The following ZNF200 variants were observed in gnomAD, a reference collection of about 807,000 sequenced individuals.
ZNF200 encodes zinc finger protein 200.
In ZNF200, 35 loss-of-function variants were observed where a neutral mutation model predicts 33.6. The ratio of observed to expected loss-of-function variants is 1.04; its 90% CI spans 0.80 to 1.38. The LOEUF (loss-of-function observed/expected upper bound fraction) is 1.38. Among genes scored for constraint, ZNF200 ranks in the 40% most tolerant of loss-of-function variants. The pLI, the probability that ZNF200 is intolerant of heterozygous loss-of-function variation, is 0.00. For synonymous variants in ZNF200, 209 were observed against 167.7 expected (o/e 1.25, Z -1.90); for missense variants, 592 against 470.6 (o/e 1.26, Z -2.39).
rs754367159 is a variant in ZNF200, at chr16:3,223,892, T to C, written c.1188A>G (p.Ter396=). 1 of 1,607,298 alleles carries C rather than the reference T, an allele frequency of 6.2e-7. No individual in the cohort carries two copies. The highest frequency in any genetic ancestry group is 1.1e-5 in the South Asian group (1 of 90,292). Residue 396 remains the stop codon, a stop_retained_variant, in exon 5 of 5, where the codon TAA becomes TAG. Coordinates refer to ENST00000414144, the MANE Select transcript of ZNF200 (RefSeq NM_198088.3). ...TCAGACCCAGAAAGGGTTCCCAGTA[T>C]TACTTCTGCTTTCGGGTCTTACAGG... ...HSACKTRKQK[*] is the part of the protein sequence containing the mutation.
intron 4 of ZNF200, among the ~76,000 whole-genome samples, chr16:3,228,746 C>T (rs889676519): frequency 2.6e-5 from 4 of 151,994 alleles, no homozygotes; most frequent in Non-Finnish European, 4.4e-5. Context: ...AGGTATCACC[C>T]GCCTTTGCCT....
At position 3,232,656 on chromosome 16, in the gene ZNF200, C is replaced by G. The variant is rs547453655; in HGVS notation, c.340-109G>C. The G allele has an allele frequency of 2.0e-6, 3 of 1,508,024 alleles. No homozygotes were observed. In the African/African-American group the frequency reaches 4.2e-5, roughly 21 times the overall value. The allele number at this position is 1,508,024 out of a possible 1,614,324, so 93.4% of individuals were successfully genotyped here. ...TCAAGGGAAGGGATAGCAAGAGGGA[C>G]CTATAAATCCCACAGAGGTGCAGCA... On this transcript the variant is annotated intron_variant, in intron 3 of 4. Transcript: ENST00000414144.
chr16:3,223,192 C>T lies in ZNF200; in HGVS notation c.*700G>A, dbSNP rs1958375343. 1 of 152,200 alleles carries T rather than the reference C, an allele frequency of 6.6e-6. No homozygotes were observed. Among genetic ancestry groups the T allele is most frequent in the Admixed American group, 6.5e-5 (1 of 15,278 alleles). 9.4% of individuals were successfully genotyped at this position (152,200 alleles called of 1,614,324 possible). ...ATGAGACGGCTGCTGGAGAGATCAA[C>T]AGCAGAACAAAATACAATAAGAACA... On this transcript the variant is annotated 3_prime_UTR_variant, in exon 5 of 5. Coordinates refer to ENST00000414144, the MANE Select transcript of ZNF200 (RefSeq NM_198088.3).
chr16:3,230,273 AG>A (rs751556571), intron 4 of ZNF200, among the ~76,000 whole-genome samples: 3 of 152,218 alleles, frequency 2.0e-5, no homozygotes, highest in Non-Finnish European at 4.4e-5. Flanking sequence ...ACCCAGCCTC[AG>A]GTATTCTTTT....
At position 3,224,416 on chromosome 16, in the gene ZNF200, TG is replaced by T; in HGVS notation, c.663del (p.Ile222LeufsTer7). ...TCCTCTAGAGGAGTATCATTCTCAA[TG>T]GTAACTAACAGATTTCTCATTTTCC... ...QKRKMRNLLV[T>X]IENDTPLEEL... On this transcript the variant is annotated frameshift_variant, in exon 5 of 5. Transcript: ENST00000414144. LOFTEE classifies it high-confidence loss of function. 6.2e-7 allele frequency: 1 copy of T among 1,614,222 alleles called. No individual in the cohort carries two copies. The highest frequency in any genetic ancestry group is 8.5e-7 in the Non-Finnish European group (1 of 1,180,036).
intron 4 of ZNF200, among the ~76,000 whole-genome samples, chr16:3,228,724 A>G (rs1958548203): frequency 6.6e-6 from 1 of 151,112 alleles, no homozygotes; most frequent in African/African-American, 2.4e-5. Flanking sequence ...CTGGTCTCAA[A>G]CTCCTGACCT....
chr16:3,231,081 A>C (rs1245524480), intron 4 of ZNF200, among the ~76,000 whole-genome samples: 1 of 152,220 alleles, frequency 6.6e-6, no homozygotes, highest in Non-Finnish European at 1.5e-5. Flanking sequence ...CTGGTAAATG[A>C]CTAAGCTTAA....
Position 3,233,573 on chromosome 16 carries a change from C to T in ZNF200, c.183G>A (p.Gln61=), listed in dbSNP as rs1315437222. The change falls in exon 2 of 5, where the codon CAG becomes CAA. Residue 61 remains glutamine, a synonymous_variant. Coordinates refer to ENST00000414144, the MANE Select transcript of ZNF200 (RefSeq NM_198088.3). ...LTFLPKPSLV[Q]PSQKVKETLV... is the part of the protein sequence containing the mutation. Reference sequence around the variant, plus strand: ...AGGTCTCCTTGACTTTCTGACTGGGCTGGACCAGGCTTGGCTTGGGCAAGA... The same window carrying T: ...AGGTCTCCTTGACTTTCTGACTGGGTTGGACCAGGCTTGGCTTGGGCAAGA... 3 of 1,610,304 alleles carry T rather than the reference C, an allele frequency of 1.9e-6. No homozygotes were observed. Among genetic ancestry groups the T allele is most frequent in the African/African-American group, 1.3e-5 (1 of 74,954 alleles).
In ZNF200 at chr16:3,232,401, C is replaced by A. The variant is rs1458727281; in HGVS notation, c.466+20G>T. The A allele has an allele frequency of 3.1e-6, 5 of 1,611,344 alleles. No homozygotes were observed. Among genetic ancestry groups the A allele is most frequent in the African/African-American group, 2.7e-5 (2 of 74,866 alleles). ...TCCCAAAGCAAACAACCTGAACACA[C>A]AAAGGCTGTGATTTCTTACCCAGTA... On this transcript the variant is annotated intron_variant, in intron 4 of 4. Coordinates refer to ENST00000414144, the MANE Select transcript of ZNF200 (RefSeq NM_198088.3).
At chr16:3,224,800 C>A (rs1958425934) in intron 4 of ZNF200, 187 bp from the exon 5 acceptor site, 2 of 653,996 alleles carry the variant, frequency 3.1e-6, no homozygotes, top group African/African-American at 1.8e-5. Context: ...TTTCCATCTA[C>A]CACAATGCAA....
At chr16:3,224,801 C>T (rs1208864645) in intron 4 of ZNF200, 188 bp from the exon 5 acceptor site, 13 of 652,216 alleles carry the variant, frequency 2.0e-5, no homozygotes, top group Non-Finnish European at 3.0e-5. Context: ...TTCCATCTAC[C>T]ACAATGCAAG....
At chr16:3,233,367 C>G (rs1469899325) in intron 2 of ZNF200, 139 bp downstream of exon 2, 1 of 1,232,882 alleles carries the variant, frequency 8.1e-7, no homozygotes, top group Non-Finnish European at 1.1e-6. Context: ...TTGAGAAGAA[C>G]TTCCTCTTTC....
rs778087363 is a variant in ZNF200, at chr16:3,224,334, C to T, written c.746G>A (p.Arg249Lys). 1.8e-5 allele frequency: 29 copies of T among 1,614,036 alleles called. No homozygotes were observed. Among genetic ancestry groups the T allele is most frequent in the Non-Finnish European group, 2.3e-5 (27 of 1,180,016 alleles). The part of the protein sequence containing the change: ...IIALTRNRRT[R>K]RWYTCPLCGK... ...ACACAGTGGACAAGTGTACCATCTC[C>T]TTGTCCTCCGATTTCGAGTAAGGGC... Residue 249 changes from arginine (R) to lysine (K), a missense_variant, in exon 5 of 5, where the codon AGG (arginine) becomes AAG (lysine). Arg to Lys is a conservative substitution (Grantham distance 26). Transcript: ENST00000414144.
In ZNF200 at chr16:3,224,470, G is replaced by A. The variant is rs761950506; in HGVS notation, c.610C>T (p.Arg204Ter). The A allele has an allele frequency of 7.4e-6, 12 of 1,614,014 alleles. No homozygotes were observed. The highest frequency in any genetic ancestry group is 2.2e-5 in the South Asian group (2 of 91,090). Reference sequence around the variant, plus strand: ...TTTTGTGGAATGGATGTATTTAGTCGTTCCTTTTCCTGGTTATCGGGAGGC... The same window carrying A: ...TTTTGTGGAATGGATGTATTTAGTCATTCCTTTTCCTGGTTATCGGGAGGC... ...QQPPDNQEKE[R>*]LNTSIPQKRK... The change falls in exon 5 of 5, where the codon CGA (arginine) becomes TGA (stop). Residue 204 changes from arginine to a stop codon, truncating the protein, a stop_gained. Coordinates refer to ENST00000414144, the MANE Select transcript of ZNF200 (RefSeq NM_198088.3). LOFTEE classifies it high-confidence loss of function.
intron 3 of ZNF200, 53 bp downstream of exon 3, chr16:3,232,780 G>T: frequency 6.3e-7 from 1 of 1,580,968 alleles, no homozygotes; most frequent in Non-Finnish European, 8.7e-7. Context: ...ACACAGGTTG[G>T]CCAAGCACGG....
chr16:3,225,162 T>C (rs893388243), intron 4 of ZNF200: 1 of 152,544 alleles, frequency 6.6e-6, no homozygotes, highest in Admixed American at 6.5e-5. Flanking sequence ...AAGTTTATTA[T>C]TGGCCAGGCG....
rs1325251516 is a variant in ZNF200, at chr16:3,223,637, TTATCA to T, written c.*250_*254del. The T allele has an allele frequency of 3.0e-5, 13 of 433,480 alleles. No homozygotes were observed. Among genetic ancestry groups the T allele is most frequent in the African/African-American group, 1.8e-4 (9 of 49,114 alleles). 26.9% of individuals were successfully genotyped at this position (433,480 alleles called of 1,614,324 possible). A position where few individuals can be genotyped will look rare whatever the true frequency, so the allele number is the denominator to read the frequency against. ...GGAAAGGGGATCTGTGACCTGTACATTATCATATAACTTCAAAAAGGAAAGCTCCT... is the reference window on the plus strand; with the variant it reads ...GGAAAGGGGATCTGTGACCTGTACATTATAACTTCAAAAAGGAAAGCTCCT... On this transcript the variant is annotated 3_prime_UTR_variant, in exon 5 of 5. Transcript: ENST00000414144.
At position 3,232,876 on chromosome 16, in the gene ZNF200, T is replaced by G. The variant is rs750566409; in HGVS notation, c.296A>C (p.Lys99Thr). 6.2e-7 allele frequency: 1 copy of G among 1,613,858 alleles called. No individual in the cohort carries two copies. The highest frequency in any genetic ancestry group is 8.5e-7 in the Non-Finnish European group (1 of 1,179,852). ...LVKLLPKGVQ[K>T]EQETVSLYLK... The stretch of plus-strand genomic sequence containing the variant: ...ATACAGAGACACTGTCTCTTGTTCC[T>G]TTTGGACTCCTTTGGGCAGAAGCTT... Residue 99 changes from lysine (K) to threonine (T), a missense_variant, in exon 3 of 5, where the codon AAG (lysine) becomes ACG (threonine). Coordinates refer to ENST00000414144, the MANE Select transcript of ZNF200 (RefSeq NM_198088.3).
At chr16:3,230,755 A>C (rs1401509732) in intron 4 of ZNF200, among the ~76,000 whole-genome samples, 1 of 152,164 alleles carries the variant, frequency 6.6e-6, no homozygotes, top group Non-Finnish European at 1.5e-5. Flanking sequence ...CTATATCCTC[A>C]CATCTGAACT....
Sources: gnomAD v4.1 joint callset for allele counts (sites outside exome capture counted in the v4.1 genomes callset) on GRCh38, gnomAD v4.1.1 for gene constraint, MANE v1.5 for transcripts, NCBI Gene and HGNC (gene_info 2026-07-23, HGNC 2026-07-21) for gene names.